Variants in NAV2 observed in about 807,000 individuals in gnomAD.
NAV2 encodes helicase, APC down-regulated 1.
NAV2 carries 54 observed loss-of-function variants against 223.2 expected under a neutral mutation model. The ratio of observed to expected loss-of-function variants is 0.24; its 90% confidence interval spans 0.19 to 0.30. The LOEUF (loss-of-function observed/expected upper bound fraction) is 0.30, where lower values mean the gene tolerates loss of function less well. Ranked by LOEUF, NAV2 falls within the 10% of genes least tolerant of loss-of-function variation. The pLI, the probability that NAV2 is intolerant of heterozygous loss-of-function variation, is 1.00. For synonymous variants in NAV2, 1,279 were observed against 1,239.3 expected, an observed-to-expected ratio of 1.03 and a Z score of -0.67; for missense variants, 2,806 against 3,147.5, an observed-to-expected ratio of 0.89 and a Z score of 2.60.
At chr11:19,632,142 G>T (rs372043113) in intron 1 of NAV2, among the ~76,000 whole-genome samples, 3 of 152,206 alleles carry the variant, frequency 2.0e-5, no homozygotes, top group Non-Finnish European at 4.4e-5. Flanking sequence ...CAGCTGTATT[G>T]GTTGGATTTC....
intron 1 of NAV2, among the ~76,000 whole-genome samples, chr11:19,602,416 T>G (rs2046373015): frequency 6.6e-6 from 1 of 152,126 alleles, no homozygotes. Context: ...GACCTCATGA[T>G]CTTCCTGCTT....
At chr11:20,109,978 A>G (rs2062486107) in intron 36 of NAV2, among the ~76,000 whole-genome samples, 1 of 152,264 alleles carries the variant, frequency 6.6e-6, no homozygotes, top group African/African-American at 2.4e-5. Context: ...ACCTAAAGGA[A>G]GGCTTTCTGG....
intron 1 of NAV2, among the ~76,000 whole-genome samples, chr11:19,372,557 G>A (rs949919958): frequency 6.6e-6 from 1 of 152,198 alleles, no homozygotes; most frequent in Admixed American, 6.5e-5. Flanking sequence ...CCCTCCAGAT[G>A]TCTGGGGGTG....
At chr11:19,885,020 G>A (rs1205659035) in intron 5 of NAV2, among the ~76,000 whole-genome samples, 1 of 152,186 alleles carries the variant, frequency 6.6e-6, no homozygotes, top group African/African-American at 2.4e-5. Flanking sequence ...CCTGTCTGCT[G>A]CCTCCTATGA....
At chr11:19,980,842 A>G (rs958410270) in intron 10 of NAV2, among the ~76,000 whole-genome samples, 3 of 152,224 alleles carry the variant, frequency 2.0e-5, no homozygotes, top group African/African-American at 7.2e-5. Context: ...TAATTTAGAA[A>G]CATTTTAAAT....
chr11:19,453,695 T>C (rs1021030068), intron 1 of NAV2, among the ~76,000 whole-genome samples: 3 of 152,120 alleles, frequency 2.0e-5, no homozygotes, highest in African/African-American at 4.8e-5. Flanking sequence ...CTCTGCACAA[T>C]CCTCAGGGCC....
intron 1 of NAV2, among the ~76,000 whole-genome samples, chr11:19,785,408 G>A (rs771582501): frequency 6.6e-6 from 1 of 152,180 alleles, no homozygotes; most frequent in African/African-American, 2.4e-5. Flanking sequence ...TTGGAAATGG[G>A]CCACAGATGA....
chr11:19,386,226 A>G (rs1161409327), intron 1 of NAV2, among the ~76,000 whole-genome samples: 2 of 152,234 alleles, frequency 1.3e-5, no homozygotes, highest in Non-Finnish European at 2.9e-5. Context: ...CATTGAATCA[A>G]ACACAGAAGG....
At chr11:19,501,598 TA>T (rs2042964884) in intron 1 of NAV2, among the ~76,000 whole-genome samples, 1 of 152,090 alleles carries the variant, frequency 6.6e-6, no homozygotes, top group South Asian at 2.1e-4. Flanking sequence ...TATATTCTTA[TA>T]AAATCACTTA....
chr11:19,734,985 C>T (rs1320225936), intron 1 of NAV2, among the ~76,000 whole-genome samples: 2 of 152,190 alleles, frequency 1.3e-5, no homozygotes, highest in Non-Finnish European at 2.9e-5. Context: ...AGCCAAGCCT[C>T]AGATTTGTTT....
intron 1 of NAV2, among the ~76,000 whole-genome samples, chr11:19,611,532 T>C (rs929011000): frequency 2.6e-5 from 4 of 152,080 alleles, no homozygotes; most frequent in African/African-American, 9.7e-5. Flanking sequence ...AGGTATTGGG[T>C]AAATACAGTC....
intron 1 of NAV2, among the ~76,000 whole-genome samples, chr11:19,402,854 G>C (rs1590134065): frequency 6.6e-6 from 1 of 152,208 alleles, no homozygotes; most frequent in Non-Finnish European, 1.5e-5. Context: ...TATGAGTAAG[G>C]AGCAGGAGAG....
intron 1 of NAV2, among the ~76,000 whole-genome samples, chr11:19,585,494 C>T (rs917966652): frequency 9.2e-5 from 14 of 152,106 alleles, no homozygotes; most frequent in African/African-American, 7.2e-5. Flanking sequence ...TACAATTTGG[C>T]GTGTTTTTGC....
intron 1 of NAV2, among the ~76,000 whole-genome samples, chr11:19,739,379 A>G (rs2052602267): frequency 6.6e-6 from 1 of 152,228 alleles, no homozygotes; most frequent in African/African-American, 2.4e-5. Context: ...ATGAGAAATG[A>G]GTAAAGAGAG....
chr11:19,425,589 C>T (rs146135953), intron 1 of NAV2, among the ~76,000 whole-genome samples: 44 of 152,262 alleles, frequency 2.9e-4, no homozygotes, highest in African/African-American at 1.0e-3. Flanking sequence ...TTTACGTGGT[C>T]CTGCCCCATT....
chr11:19,906,620 G>A (rs552887076), intron 6 of NAV2, among the ~76,000 whole-genome samples: 2 of 152,270 alleles, frequency 1.3e-5, no homozygotes, highest in Middle Eastern at 3.4e-3. Context: ...ATAAGTTATA[G>A]GGGCATGTAG....
At chr11:19,459,952 G>A (rs1358318702) in intron 1 of NAV2, among the ~76,000 whole-genome samples, 3 of 152,142 alleles carry the variant, frequency 2.0e-5, no homozygotes, top group Non-Finnish European at 4.4e-5. Flanking sequence ...TTATCAGCAT[G>A]GTGTAGTGGA....
chr11:20,093,214 T>G lies in NAV2; in HGVS notation c.5916+15T>G. On this transcript the variant is annotated intron_variant, in intron 29 of 37. Transcript: ENST00000349880. ...AGTGGAAGGAGGTTAGTTGGATCCC[T>G]TTCCCTGCTTTGCCTGTCCCTCCCC... 1.3e-6 allele frequency: 2 copies of G among 1,550,102 alleles called. No individual in the cohort carries two copies. The highest frequency in any genetic ancestry group is 1.8e-6 in the Non-Finnish European group (2 of 1,121,874).
rs181849706 is a variant in NAV2 at position 20,090,776 on chromosome 11, G to A, written c.5499-89G>A. 4.2e-6 allele frequency: 6 copies of A among 1,426,230 alleles called. No homozygotes were observed. The African/African-American group carries it at 8.4e-5, about 20-fold the overall frequency. The allele number at this position is 1,426,230 out of a possible 1,614,324, so 88.3% of individuals were successfully genotyped here. A position where few individuals can be genotyped will look rare whatever the true frequency, so the allele number is the denominator to read the frequency against. Reference sequence around the variant, plus strand: ...AGGCAGCTGGTTATTCACAGTTACTGCTAAACAAACCTGATGATTGATGTG... The same window carrying A: ...AGGCAGCTGGTTATTCACAGTTACTACTAAACAAACCTGATGATTGATGTG... On this transcript the variant is annotated intron_variant, in intron 26 of 37. Coordinates refer to ENST00000349880, the MANE Select transcript of NAV2 (RefSeq NM_145117.5).
Sources: gnomAD v4.1 joint callset for allele counts (sites outside exome capture counted in the v4.1 genomes callset) on GRCh38, gnomAD v4.1.1 for gene constraint, MANE v1.5 for transcripts, NCBI Gene and HGNC (gene_info 2026-07-23, HGNC 2026-07-21) for gene names.